GRIP2: variants seen among roughly 807,000 people sequenced by gnomAD.
GRIP2 encodes the protein glutamate receptor-interacting protein 2.
Under a neutral mutation model 108.3 loss-of-function variants are expected in GRIP2, and 58 were observed. The ratio of observed to expected loss-of-function variants is 0.54; its 90% CI spans 0.43 to 0.67. The LOEUF is 0.67. GRIP2 is among the 30% of genes least tolerant of loss of function. The pLI is 0.00. For synonymous variants in GRIP2, 586 were observed against 598.2 expected (o/e 0.98, Z 0.30); for missense variants, 1,278 against 1,430.6 (o/e 0.89, Z 1.72).
At chr3:14,572,808 T>C in the GRIP2 span, 303 of 801,318 alleles carry the variant, frequency 3.8e-4, 2 homozygotes, top group East Asian at 8.3e-3. Flanking sequence ...TGTCTGGCTC[T>C]GGCCTGCTGG....
At position 14,499,248 on chromosome 3, in the gene GRIP2, A is replaced by G. The variant is rs374691785; in HGVS notation, c.2680-2688T>C. Among the ~76,000 whole-genome samples the G allele has an allele frequency of 3.6e-4, 55 of 152,336 alleles. 3 individuals are homozygous for G. In the South Asian group the frequency reaches 0.011, roughly 30 times the overall value. Reference sequence around the variant, plus strand: ...AAGTTCAAAGGCCACAGCCAAGACAAAGTGAGGAGCGATCTCACTGATGCA... The same window carrying G: ...AAGTTCAAAGGCCACAGCCAAGACAGAGTGAGGAGCGATCTCACTGATGCA... On this transcript the variant is annotated intron_variant, in intron 21 of 23. Transcript: ENST00000621039.
chr3:14,517,191 G>A lies in GRIP2; in HGVS notation c.1179C>T (p.Ser393=). 1.3e-6 allele frequency: 2 copies of A among 1,597,268 alleles called. No homozygotes were observed. The highest frequency in any genetic ancestry group is 1.7e-6 in the Non-Finnish European group (2 of 1,172,398). ...QSRSLSSTPF[S]SPTLNHAFSC... ...AAAAGGCGTGGTTCAAGGTCGGCGA[G>A]GAAAAGGGAGTTGAAGACAAGGCTG... is the stretch of plus-strand genomic sequence containing the variant. Residue 393 remains serine, a synonymous_variant, in exon 11 of 24, where the codon TCC becomes TCT. Coordinates refer to ENST00000621039, the MANE Select transcript of GRIP2 (RefSeq NM_001080423.4).
Position 14,507,007 on chromosome 3 carries a change from T to C in GRIP2, c.2219-27A>G, listed in dbSNP as rs990756705. 3.2e-6 allele frequency: 5 copies of C among 1,564,468 alleles called. No individual in the cohort carries two copies. In the African/African-American group the frequency reaches 5.4e-5, roughly 17 times the overall value. On this transcript the variant is annotated intron_variant, in intron 18 of 23. Transcript: ENST00000621039. This position sits in a 1 kb window ranked among gnomAD's most constrained non-coding sequence, Gnocchi z 4.6. ...TGGGAGGAGAGAGGGGTGTCAATTC[T>C]GACTTCAGAGACACTCACAGTGAGC...
the GRIP2 span, among the ~76,000 whole-genome samples, chr3:14,580,345 C>G: frequency 3.9e-5 from 6 of 152,204 alleles, no homozygotes; most frequent in Non-Finnish European, 8.8e-5. Flanking sequence ...TTTAAATTGC[C>G]TCATGGTGTT....
In GRIP2 at chr3:14,514,333, TG is replaced by T; in HGVS notation, c.1451del (p.Pro484HisfsTer75). The T allele has an allele frequency of 1.3e-6, 2 of 1,572,892 alleles. No individual in the cohort carries two copies. The highest frequency in any genetic ancestry group is 1.7e-6 in the Non-Finnish European group (2 of 1,161,354). On this transcript the variant is annotated frameshift_variant, in exon 12 of 24. Transcript: ENST00000621039. LOFTEE classifies it high-confidence loss of function. The stretch of plus-strand genomic sequence containing the variant: ...CAGGCTCGATGAAGCACACGAGGGG[TG>T]GGGAGGACAGGGTCTCGGTGGCGAA... ...GIFATETLSS[P>X]PLVCFIEPDS...
the GRIP2 span, among the ~76,000 whole-genome samples, chr3:14,579,474 G>A: frequency 6.6e-6 from 1 of 152,172 alleles, no homozygotes; most frequent in Non-Finnish European, 1.5e-5. Context: ...GCTCGTGTGT[G>A]ATCGGATGGG....
At chr3:14,543,099 G>A (rs983740445), upstream of GRIP2, among the ~76,000 whole-genome samples, 6 of 152,180 alleles carry the variant, frequency 3.9e-5, no homozygotes, top group African/African-American at 9.7e-5. Context: ...CATTGCACGC[G>A]TGTGAGTCCA....
the GRIP2 span, among the ~76,000 whole-genome samples, chr3:14,584,435 G>C: frequency 6.6e-6 from 1 of 152,208 alleles, no homozygotes; most frequent in Non-Finnish European, 1.5e-5. Context: ...GCTGCCCCAG[G>C]CTTGCTGCGT....
chr3:14,521,695 C>T lies in GRIP2; in HGVS notation c.659G>A (p.Arg220Gln), dbSNP rs752604236. The change falls in exon 7 of 24, where the codon CGG becomes CAG. Residue 220 changes from arginine (R) to glutamine (Q), a missense_variant. Physicochemically the swap from Arg to Gln is conservative, Grantham distance 43. Coordinates refer to ENST00000621039, the MANE Select transcript of GRIP2 (RefSeq NM_001080423.4). This position sits in a 1 kb window ranked among gnomAD's most constrained non-coding sequence, Gnocchi z 5.1. ...AAAGAGTGCCTCGTGGCTGCACTGC[C>T]GCAGGGTGGCCAGGGCGGTGGCATG... ...ASHATALATL[R>Q]QCSHEALFQV... 2.5e-5 allele frequency: 40 copies of T among 1,611,786 alleles called. No homozygotes were observed. The highest frequency in any genetic ancestry group is 3.3e-5 in the South Asian group (3 of 90,562).
chr3:14,552,411 C>A (rs1185646049), intron 1 of GRIP2, among the ~76,000 whole-genome samples: 2 of 152,174 alleles, frequency 1.3e-5, no homozygotes, highest in Non-Finnish European at 2.9e-5. Flanking sequence ...ACCCCAAGGG[C>A]CTAGAACAAT....
chr3:14,516,680 A>G (rs766336758), intron 11 of GRIP2, among the ~76,000 whole-genome samples: 1 of 152,202 alleles, frequency 6.6e-6, no homozygotes, highest in Non-Finnish European at 1.5e-5. Flanking sequence ...AGAGGTGGTA[A>G]GGATATAGTA....
At chr3:14,499,906 T>C (rs2124845961) in intron 21 of GRIP2, among the ~76,000 whole-genome samples, 1 of 152,106 alleles carries the variant, frequency 6.6e-6, no homozygotes, top group East Asian at 1.9e-4. Context: ...CAAACAAAAA[T>C]CTCATAATGT....
Position 14,521,601 on chromosome 3 carries a change from C to T in GRIP2, c.712+41G>A, listed in dbSNP as rs1694409844. ...ACTGCCACCTCCCCCCATCCCAGGC[C>T]TCCTCCTGCCCCAACCCACACACTC... On this transcript the variant is annotated intron_variant, in intron 7 of 23. Transcript: ENST00000621039. This position sits in a 1 kb window ranked among gnomAD's most constrained non-coding sequence, Gnocchi z 5.1. The T allele has an allele frequency of 2.6e-6, 4 of 1,557,648 alleles. No homozygotes were observed. Among genetic ancestry groups the T allele is most frequent in the Non-Finnish European group, 3.5e-6 (4 of 1,148,078 alleles).
intron 1 of GRIP2, among the ~76,000 whole-genome samples, chr3:14,534,465 C>T (rs183616891): frequency 8.5e-5 from 13 of 152,272 alleles, no homozygotes; most frequent in Admixed American, 8.5e-4. Flanking sequence ...TTTTCAAAAA[C>T]ATCTTTCCCA....
At chr3:14,588,782 T>C in the GRIP2 span, among the ~76,000 whole-genome samples, 1 of 152,160 alleles carries the variant, frequency 6.6e-6, no homozygotes, top group African/African-American at 2.4e-5. Flanking sequence ...AAGCATTTGC[T>C]CATTTGGTTG....
At chr3:14,546,319 G>A (rs373036863), upstream of GRIP2, among the ~76,000 whole-genome samples, 78 of 152,318 alleles carry the variant, frequency 5.1e-4, no homozygotes, top group African/African-American at 1.8e-3. Context: ...GGATTCTGTT[G>A]AGTGTGAGGG....
chr3:14,572,611 C>CAAAAAAAAAAAAAAA, the GRIP2 span, among the ~76,000 whole-genome samples: 10 of 46,954 alleles, frequency 2.1e-4, no homozygotes, highest in African/African-American at 3.8e-4. Context: ...GACTCCGTCT[C>CAAAAAAAAAAAAAAA]AAAAAAAAAA....
At position 14,511,778 on chromosome 3, in the gene GRIP2, GCCCATC is replaced by G. The variant is rs1161413434; in HGVS notation, c.1721-305_1721-300del. Among the ~76,000 whole-genome samples, 1 of 152,130 alleles carries G rather than the reference GCCCATC, an allele frequency of 6.6e-6. No homozygotes were observed. The highest frequency in any genetic ancestry group is 1.5e-5 in the Non-Finnish European group (1 of 68,022). On this transcript the variant is annotated intron_variant, in intron 14 of 23. Transcript: ENST00000621039. The surrounding 1 kb of genome is among the most constrained non-coding windows in gnomAD (Gnocchi z 4.1). ...GCCAGCTCTTCTTTCCTCCTGCTCA[GCCCATC>G]CCCCAGCAAACTGCGAGCTCTTTGT...
rs1701332581 is a variant in GRIP2, at chr3:14,491,401, G to A, written c.*2264C>T. 6.6e-6 allele frequency: 1 copy of A among 152,232 alleles called. No homozygotes were observed. Among genetic ancestry groups the A allele is most frequent in the South Asian group, 2.1e-4 (1 of 4,836 alleles). 9.4% of individuals were successfully genotyped at this position (152,232 alleles called of 1,614,324 possible). ...GAGAAAAATACAGCTTTGGGGGAGA[G>A]GGCAGGTGGAAGGGGACATGTCACA... On this transcript the variant is annotated 3_prime_UTR_variant, in exon 24 of 24. Transcript: ENST00000621039.
Sources: allele counts gnomAD v4.1 joint callset (sites outside exome capture counted in the v4.1 genomes callset), GRCh38; gene constraint gnomAD v4.1.1; non-coding constraint Gnocchi (gnomAD v3.1); transcripts MANE v1.5; gene names NCBI Gene and HGNC (gene_info 2026-07-23, HGNC 2026-07-21).